FBXL7: variants seen among roughly 807,000 people sequenced by gnomAD.
The protein encoded by FBXL7 is F-box/LRR-repeat protein 7.
A neutral mutation model predicts 38.3 loss-of-function variants in FBXL7; 12 were observed. The observed-to-expected ratio is 0.31, with a 90% CI of 0.20 to 0.51. The LOEUF (loss-of-function observed/expected upper bound fraction) is 0.51. Among genes scored for constraint, FBXL7 ranks in the 20% least tolerant of loss-of-function variants. FBXL7 has a pLI of 0.98. For synonymous variants in FBXL7, 297 were observed against 300.9 expected (o/e 0.99, Z 0.13); for missense variants, 567 against 676.4 (o/e 0.84, Z 1.79).
chr5:15,645,299 A>G (rs529403363), intron 2 of FBXL7, among the ~76,000 whole-genome samples: 2 of 152,280 alleles, frequency 1.3e-5, no homozygotes, highest in South Asian at 2.1e-4. Context: ...CCTGCCTCCC[A>G]TTCTACTCAA....
At chr5:15,859,716 G>A (rs190502004) in intron 2 of FBXL7, among the ~76,000 whole-genome samples, 108 of 152,184 alleles carry the variant, frequency 7.1e-4, no homozygotes, top group Middle Eastern at 3.4e-3. Context: ...CCTCCCATCA[G>A]GTCCCTCCCA....
chr5:15,857,844 G>T (rs959196227), intron 2 of FBXL7, among the ~76,000 whole-genome samples: 4 of 152,124 alleles, frequency 2.6e-5, no homozygotes, highest in African/African-American at 9.7e-5. Flanking sequence ...AAAATGATTT[G>T]CAAAGGGTGA....
At chr5:15,886,057 T>C (rs766669756) in intron 2 of FBXL7, among the ~76,000 whole-genome samples, 4 of 152,036 alleles carry the variant, frequency 2.6e-5, no homozygotes, top group Non-Finnish European at 5.9e-5. Flanking sequence ...TCCTGTTTGA[T>C]ATATATGTGA....
intron 2 of FBXL7, among the ~76,000 whole-genome samples, chr5:15,653,414 A>AC (rs1741775197): frequency 6.6e-6 from 1 of 152,066 alleles, no homozygotes; most frequent in Non-Finnish European, 1.5e-5. Flanking sequence ...CAGGAAAGAA[A>AC]CCCCCTAAGA....
At chr5:15,587,692 T>C (rs1739343408) in intron 1 of FBXL7, among the ~76,000 whole-genome samples, 2 of 152,208 alleles carry the variant, frequency 1.3e-5, no homozygotes, top group Non-Finnish European at 2.9e-5. Flanking sequence ...GTCCCAAAGC[T>C]ATTAAGAGAT....
At chr5:15,744,902 A>G (rs574489621) in intron 2 of FBXL7, among the ~76,000 whole-genome samples, 1 of 152,084 alleles carries the variant, frequency 6.6e-6, no homozygotes, top group Non-Finnish European at 1.5e-5. Context: ...CCCTTATAAA[A>G]CCATGAGGTC....
intron 2 of FBXL7, among the ~76,000 whole-genome samples, chr5:15,784,783 T>TA (rs1353537004): frequency 1.3e-5 from 2 of 152,308 alleles, no homozygotes; most frequent in East Asian, 3.9e-4. Flanking sequence ...ACCATGCTTG[T>TA]ACAGCCTGCA....
Position 15,530,548 on chromosome 5 carries a change from T to G in FBXL7, c.37+29835T>G, listed in dbSNP as rs147983124. 6.5e-3 allele frequency among the ~76,000 whole-genome samples: 991 copies of G among 152,206 alleles called. 5 individuals carry two copies. The highest frequency in any genetic ancestry group is 0.018 in the Admixed American group (279 of 15,282). ...CCCAGATAAGTAGATATGTTAGGGG[T>G]CCCTAAGAACACCCTAATGTTTGGT... On this transcript the variant is annotated intron_variant, in intron 1 of 3. Coordinates refer to ENST00000504595, the MANE Select transcript of FBXL7 (RefSeq NM_012304.5).
At chr5:15,653,330 A>C (rs1561070973) in intron 2 of FBXL7, among the ~76,000 whole-genome samples, 2 of 152,214 alleles carry the variant, frequency 1.3e-5, no homozygotes, top group Non-Finnish European at 2.9e-5. Flanking sequence ...ATGAGGCACA[A>C]TAAAGCAAAG....
intron 2 of FBXL7, among the ~76,000 whole-genome samples, chr5:15,841,965 G>T (rs937361138): frequency 2.0e-5 from 3 of 152,250 alleles, no homozygotes; most frequent in East Asian, 1.9e-4. Flanking sequence ...CTCTGCTAGG[G>T]CAGTGCAGAA....
At chr5:15,915,914 C>G (rs930497089) in intron 2 of FBXL7, among the ~76,000 whole-genome samples, 1 of 152,046 alleles carries the variant, frequency 6.6e-6, no homozygotes, top group Non-Finnish European at 1.5e-5. Flanking sequence ...CATAGCCAGT[C>G]AAAGTGAGGG....
rs1476492360 is a variant in FBXL7 at position 15,939,336 on chromosome 5, G to T, written c.*2150G>T. 6.4e-6 allele frequency: 2 copies of T among 313,086 alleles called. No homozygotes were observed. Among genetic ancestry groups the T allele is most frequent in the Non-Finnish European group, 1.2e-5 (2 of 172,486 alleles). The allele number at this position is 313,086 out of a possible 1,614,324, so 19.4% of individuals were successfully genotyped here. ...CAGGATTTGGGTGTCACAAAGGATT[G>T]TCCCTAATCCTTGGCCCTGGGGTCT... On this transcript the variant is annotated 3_prime_UTR_variant, in exon 4 of 4. Coordinates refer to ENST00000504595, the MANE Select transcript of FBXL7 (RefSeq NM_012304.5).
chr5:15,636,808 T>C (rs1013970558), intron 2 of FBXL7, among the ~76,000 whole-genome samples: 7 of 152,160 alleles, frequency 4.6e-5, no homozygotes, highest in African/African-American at 1.7e-4. Context: ...GGTTAAAATA[T>C]GCTTTTATTT....
chr5:15,594,279 C>T (rs1021535674), intron 1 of FBXL7, among the ~76,000 whole-genome samples: 7 of 152,008 alleles, frequency 4.6e-5, no homozygotes, highest in East Asian at 1.9e-4. Context: ...ACGTGGAGGG[C>T]GGACATATGG....
At chr5:15,913,372 C>T (rs985264907) in intron 2 of FBXL7, among the ~76,000 whole-genome samples, 2 of 151,804 alleles carry the variant, frequency 1.3e-5, no homozygotes, top group African/African-American at 2.4e-5. Context: ...CACCCACTAA[C>T]GATCATATTT....
At chr5:15,898,722 C>T (rs1311616701) in intron 2 of FBXL7, among the ~76,000 whole-genome samples, 1 of 152,198 alleles carries the variant, frequency 6.6e-6, no homozygotes, top group Non-Finnish European at 1.5e-5. Context: ...GTATTCTCGG[C>T]TCAGCTAATC....
intron 1 of FBXL7, among the ~76,000 whole-genome samples, chr5:15,561,310 C>A (rs1223415790): frequency 1.3e-5 from 2 of 152,094 alleles, no homozygotes; most frequent in Non-Finnish European, 2.9e-5. Flanking sequence ...TAAGTGAGAT[C>A]ATGCAGTATT....
intron 2 of FBXL7, among the ~76,000 whole-genome samples, chr5:15,699,882 T>C (rs1338857773): frequency 2.0e-5 from 3 of 152,200 alleles, no homozygotes; most frequent in Non-Finnish European, 2.9e-5. Context: ...AGATAAGTTA[T>C]AGCTACATAG....
intron 1 of FBXL7, among the ~76,000 whole-genome samples, chr5:15,601,740 C>G (rs913874226): frequency 6.6e-6 from 1 of 152,110 alleles, no homozygotes. Context: ...GAAACTTGAA[C>G]AAATGATCAT....
Sources: allele counts gnomAD v4.1 joint callset (sites outside exome capture counted in the v4.1 genomes callset), GRCh38; gene constraint gnomAD v4.1.1; transcripts MANE v1.5; gene names NCBI Gene and HGNC (gene_info 2026-07-23, HGNC 2026-07-21).